Variants in EYA2 observed in about 807,000 individuals in gnomAD.
The protein encoded by EYA2 is EYA transcriptional coactivator and phosphatase 2.
EYA2 carries 31 observed loss-of-function variants against 69.2 expected under a neutral mutation model. That is an observed-to-expected ratio of 0.45 (90% CI 0.34 to 0.60). EYA2 has a LOEUF of 0.60. Among genes scored for constraint, EYA2 ranks in the 20% least tolerant of loss-of-function variants. The pLI is 0.02. For synonymous variants in EYA2, 257 were observed against 279.4 expected, an observed-to-expected ratio of 0.92 and a Z score of 0.80; for missense variants, 622 against 701.2, an observed-to-expected ratio of 0.89 and a Z score of 1.28.
chr20:47,020,344 G>A (rs768471332), intron 5 of EYA2, among the ~76,000 whole-genome samples: 15 of 152,072 alleles, frequency 9.9e-5, no homozygotes, highest in African/African-American at 1.4e-4. Context: ...CCATCACCCC[G>A]TAAGGCCCTG....
intron 1 of EYA2, among the ~76,000 whole-genome samples, chr20:46,927,923 C>G (rs1047321107): frequency 2.0e-5 from 3 of 152,144 alleles, no homozygotes; most frequent in Admixed American, 1.3e-4. Context: ...CACATAGTAA[C>G]CCTAACCGTG....
At chr20:47,142,242 C>T (rs2033611912) in intron 9 of EYA2, among the ~76,000 whole-genome samples, 1 of 152,262 alleles carries the variant, frequency 6.6e-6, no homozygotes, top group Admixed American at 6.5e-5. Flanking sequence ...AGCTTGCCAA[C>T]CCCTGCTACA....
chr20:46,964,021 G>A (rs950672772), intron 1 of EYA2, among the ~76,000 whole-genome samples: 1 of 152,260 alleles, frequency 6.6e-6, no homozygotes, highest in Non-Finnish European at 1.5e-5. Flanking sequence ...AATCAATTTG[G>A]TGAGCCACAG....
intron 5 of EYA2, among the ~76,000 whole-genome samples, chr20:47,062,380 G>T (rs893448411): frequency 6.6e-6 from 1 of 152,192 alleles, no homozygotes; most frequent in African/African-American, 2.4e-5. Context: ...CCCTTGGACT[G>T]CACAGCTGGG....
At position 46,981,743 on chromosome 20, in the gene EYA2, G is replaced by A. The variant is rs144468096; in HGVS notation, c.-10-8258G>A. Among the ~76,000 whole-genome samples the A allele has an allele frequency of 3.9e-4, 60 of 152,058 alleles. 1 individual carries two copies. In the East Asian group the frequency reaches 0.01, roughly 26 times the overall value. ...GTTTTTATTTTAAAATCTATTTGGG[G>A]TATTGTGTTGTATTCATATTATTGA... On this transcript the variant is annotated intron_variant, in intron 1 of 15. Coordinates refer to ENST00000327619, the MANE Select transcript of EYA2 (RefSeq NM_005244.5).
chr20:46,911,665 A>T (rs6018160), intron 1 of EYA2, among the ~76,000 whole-genome samples: 93,143 of 151,994 alleles, frequency 0.61, 28,791 homozygotes, highest in East Asian at 0.78. Context: ...GAACTGGAGG[A>T]CATTATGTTA....
intron 9 of EYA2, among the ~76,000 whole-genome samples, chr20:47,135,818 C>CGAAAAAAA (rs2033449844): frequency 3.0e-5 from 1 of 33,264 alleles, no homozygotes; most frequent in Non-Finnish European, 5.5e-5. Context: ...CCTGTCTCTA[C>CGAAAAAAA]AAAAAAAAAA....
At chr20:47,123,947 A>T (rs1363819311) in intron 9 of EYA2, among the ~76,000 whole-genome samples, 2 of 150,096 alleles carry the variant, frequency 1.3e-5, no homozygotes, top group East Asian at 3.9e-4. Flanking sequence ...TGCCAAGTGC[A>T]CTCCAGCCTG....
intron 5 of EYA2, among the ~76,000 whole-genome samples, chr20:47,070,278 G>A (rs1421477185): frequency 6.6e-6 from 1 of 152,188 alleles, no homozygotes; most frequent in Non-Finnish European, 1.5e-5. Flanking sequence ...ATATGTGAAT[G>A]GCTAAAAAGC....
intron 9 of EYA2, among the ~76,000 whole-genome samples, chr20:47,130,514 C>T (rs2033316661): frequency 1.3e-5 from 2 of 151,876 alleles, no homozygotes; most frequent in Non-Finnish European, 2.9e-5. Flanking sequence ...ATCCACCCGC[C>T]TCGGCCTCCC....
intron 1 of EYA2, among the ~76,000 whole-genome samples, chr20:46,923,460 G>C (rs1390674028): frequency 6.6e-6 from 1 of 152,206 alleles, no homozygotes; most frequent in Non-Finnish European, 1.5e-5. Flanking sequence ...TCTAGATAGA[G>C]GGGGAGATGT....
intron 5 of EYA2, among the ~76,000 whole-genome samples, chr20:47,054,565 T>A (rs972956042): frequency 2.0e-5 from 3 of 152,166 alleles, no homozygotes; most frequent in Non-Finnish European, 2.9e-5. Flanking sequence ...TCTCAGATCC[T>A]CTTCACTAAT....
intron 5 of EYA2, among the ~76,000 whole-genome samples, chr20:47,022,860 T>C (rs1430180360): frequency 1.3e-5 from 2 of 152,018 alleles, no homozygotes; most frequent in East Asian, 1.9e-4. Flanking sequence ...TTCATTGTGT[T>C]GCATAGGCTG....
chr20:47,124,875 T>TA (rs11426514), intron 9 of EYA2, among the ~76,000 whole-genome samples: 63,849 of 147,420 alleles, frequency 0.43, 13,796 homozygotes, highest in Admixed American at 0.52. Context: ...CTTCAAAGAT[T>TA]AAAAAAAAAA....
chr20:46,924,602 G>A (rs1397933548), intron 1 of EYA2, among the ~76,000 whole-genome samples: 5 of 148,360 alleles, frequency 3.4e-5, no homozygotes, highest in Non-Finnish European at 7.4e-5. Context: ...CCCAGGAGGC[G>A]GAGCTTGCAG....
At position 47,188,241 on chromosome 20, in the gene EYA2, C is replaced by A; in HGVS notation, c.*108C>A. The A allele has an allele frequency of 4.7e-6, 5 of 1,066,110 alleles. No individual in the cohort carries two copies. The highest frequency in any genetic ancestry group is 5.5e-6 in the Non-Finnish European group (4 of 723,138). The allele number at this position is 1,066,110 out of a possible 1,614,324, so 66.0% of individuals were successfully genotyped here. A position where few individuals can be genotyped will look rare whatever the true frequency, so the allele number is the denominator to read the frequency against. On this transcript the variant is annotated 3_prime_UTR_variant, in exon 16 of 16. Coordinates refer to ENST00000327619, the MANE Select transcript of EYA2 (RefSeq NM_005244.5). ...CCAGATGTTGGACACCAGGAAGGGG[C>A]CCCACAGCCGAGACGACGTGTCCAG...
chr20:46,933,708 C>A (rs1985771876), intron 1 of EYA2, among the ~76,000 whole-genome samples: 1 of 152,238 alleles, frequency 6.6e-6, no homozygotes, highest in Non-Finnish European at 1.5e-5. Flanking sequence ...CCTCACAGGA[C>A]TGCTGTCTTG....
intron 8 of EYA2, among the ~76,000 whole-genome samples, chr20:47,092,916 TA>T (rs1446085323): frequency 6.6e-6 from 1 of 152,198 alleles, no homozygotes; most frequent in Non-Finnish European, 1.5e-5. Flanking sequence ...ATGTATTAGT[TA>T]AAATCCTTCA....
intron 1 of EYA2, among the ~76,000 whole-genome samples, chr20:46,961,574 T>G (rs1018054973): frequency 1.3e-5 from 2 of 152,206 alleles, no homozygotes; most frequent in African/African-American, 4.8e-5. Flanking sequence ...ACTCTCATGT[T>G]CATTGCAACG....
Sources: gnomAD v4.1 joint callset for allele counts (sites outside exome capture counted in the v4.1 genomes callset) on GRCh38, gnomAD v4.1.1 for gene constraint, MANE v1.5 for transcripts, NCBI Gene and HGNC (gene_info 2026-07-23, HGNC 2026-07-21) for gene names.